The following DNAH11 variants were observed in gnomAD, a reference collection of about 807,000 sequenced individuals.
DNAH11 encodes axonemal beta dynein heavy chain 11.
DNAH11 carries 442 observed loss-of-function variants against 526.0 expected under a neutral mutation model. That is an observed-to-expected ratio of 0.84 (90% CI 0.78 to 0.91). DNAH11 has a LOEUF of 0.91. DNAH11 is among the 40% of genes least tolerant of loss of function. The pLI, the probability that DNAH11 is intolerant of heterozygous loss-of-function variation, is 0.00. For synonymous variants in DNAH11, 2,461 were observed against 1,935.9 expected (o/e 1.27, Z -7.12); for missense variants, 6,989 against 5,448.7 (o/e 1.28, Z -8.90).
intron 55 of DNAH11, among the ~76,000 whole-genome samples, chr7:21,771,587 C>T (rs1787436383): frequency 6.6e-6 from 1 of 152,192 alleles, no homozygotes; most frequent in Non-Finnish European, 1.5e-5. Context: ...GAGACAGCAT[C>T]GTTTTCCAGA....
At chr7:21,651,162 C>T (rs1327731048) in intron 28 of DNAH11, among the ~76,000 whole-genome samples, 1 of 151,928 alleles carries the variant, frequency 6.6e-6, no homozygotes, top group Non-Finnish European at 1.5e-5. Context: ...TTAATGAAAA[C>T]ATATGAATGA....
At chr7:21,764,001 C>G (rs74298651) in intron 54 of DNAH11, among the ~76,000 whole-genome samples, 15,035 of 151,762 alleles carry the variant, frequency 0.099, 983 homozygotes, top group East Asian at 0.26. Context: ...CTCCTAGAAA[C>G]AGAAAGTAGA....
At chr7:21,788,610 C>T (rs1350601381) in intron 60 of DNAH11, among the ~76,000 whole-genome samples, 2 of 152,122 alleles carry the variant, frequency 1.3e-5, no homozygotes, top group South Asian at 4.1e-4. Context: ...CACCTAAATT[C>T]TCAGATGGTC....
chr7:21,661,171 T>A (rs1349108811), intron 30 of DNAH11, among the ~76,000 whole-genome samples: 1 of 152,136 alleles, frequency 6.6e-6, no homozygotes, highest in African/African-American at 2.4e-5. Context: ...CATTTAAACC[T>A]TATTTTTTTA....
At chr7:21,762,258 G>C (rs1412451492) in intron 54 of DNAH11, among the ~76,000 whole-genome samples, 1 of 152,112 alleles carries the variant, frequency 6.6e-6, no homozygotes, top group Non-Finnish European at 1.5e-5. Context: ...CTCAGGGAAA[G>C]CATTTTTGCC....
intron 2 of DNAH11, among the ~76,000 whole-genome samples, chr7:21,553,363 C>T (rs1224585865): frequency 2.0e-5 from 3 of 152,098 alleles, no homozygotes; most frequent in African/African-American, 7.2e-5. Context: ...TTAACATTTT[C>T]TTGAATATCA....
intron 2 of DNAH11, among the ~76,000 whole-genome samples, chr7:21,556,170 T>G (rs1055757178): frequency 2.6e-5 from 4 of 152,204 alleles, no homozygotes; most frequent in Non-Finnish European, 5.9e-5. Flanking sequence ...TGCTTAAGTT[T>G]CGATTTTCCA....
intron 65 of DNAH11, among the ~76,000 whole-genome samples, chr7:21,836,512 TA>T (rs760472125): frequency 9.2e-5 from 14 of 152,152 alleles, no homozygotes; most frequent in Admixed American, 3.3e-4. Flanking sequence ...ATCTCTTCAA[TA>T]AATGGTGCTG....
At chr7:21,599,512 T>C (rs778284708) in intron 14 of DNAH11, among the ~76,000 whole-genome samples, 17 of 152,252 alleles carry the variant, frequency 1.1e-4, no homozygotes, top group Non-Finnish European at 2.2e-4. Flanking sequence ...CACTGGGAAC[T>C]AGTGTATTTC....
intron 7 of DNAH11, chr7:21,570,847 C>T (rs1201498092): frequency 6.7e-6 from 1 of 149,942 alleles, no homozygotes; most frequent in Admixed American, 6.6e-5. Context: ...ACAACCTACA[C>T]ATTCTTACAT....
intron 39 of DNAH11, 121 bp downstream of exon 39, chr7:21,705,658 G>A (rs760665903): frequency 1.1e-6 from 1 of 928,328 alleles, no homozygotes; most frequent in South Asian, 1.6e-5. Context: ...ATAATTTTGG[G>A]TCAGAATCTG....
intron 8 of DNAH11, among the ~76,000 whole-genome samples, chr7:21,578,340 T>C (rs768081313): frequency 6.6e-6 from 1 of 152,210 alleles, no homozygotes; most frequent in Non-Finnish European, 1.5e-5. Context: ...ACCAAGGCAG[T>C]CATTACATCT....
intron 63 of DNAH11, among the ~76,000 whole-genome samples, chr7:21,812,761 C>T (rs1391174193): frequency 6.6e-6 from 1 of 152,134 alleles, no homozygotes; most frequent in Non-Finnish European, 1.5e-5. Flanking sequence ...GGCTCTTGCA[C>T]CCCAGCCTCC....
chr7:21,866,456 C>G lies in DNAH11; in HGVS notation c.11497-14C>G. The G allele has an allele frequency of 1.9e-6, 3 of 1,601,248 alleles. No individual in the cohort carries two copies. The highest frequency in any genetic ancestry group is 2.6e-6 in the Non-Finnish European group (3 of 1,174,740). ...GTTCACACCATTCCTACTTGTTTCC[C>G]TATCATATTACAGGCAATTGCCGTC... On this transcript the variant is annotated splice_polypyrimidine_tract_variant and intron_variant, in intron 70 of 81. Coordinates refer to ENST00000409508, the MANE Select transcript of DNAH11 (RefSeq NM_001277115.2).
chr7:21,863,073 A>T, intron 69 of DNAH11, among the ~76,000 whole-genome samples: 1 of 148,334 alleles, frequency 6.7e-6, no homozygotes, highest in African/African-American at 2.5e-5. Context: ...CAAAAAAAAA[A>T]AAAAAAGAAA....
At chr7:21,648,623 C>T (rs1787476175) in intron 28 of DNAH11, among the ~76,000 whole-genome samples, 1 of 152,138 alleles carries the variant, frequency 6.6e-6, no homozygotes, top group Admixed American at 6.5e-5. Context: ...TGAGGCAACC[C>T]AAAACCAACA....
chr7:21,891,865 T>G (rs888981065), intron 76 of DNAH11, among the ~76,000 whole-genome samples: 1 of 152,180 alleles, frequency 6.6e-6, no homozygotes. Context: ...ACACACATTT[T>G]TCATTAAATG....
At chr7:21,805,316 T>C (rs1048644778) in intron 62 of DNAH11, among the ~76,000 whole-genome samples, 28 of 152,152 alleles carry the variant, frequency 1.8e-4, no homozygotes, top group African/African-American at 6.8e-4. Context: ...CCAACTGAAA[T>C]ATGAGCTTCG....
At chr7:21,575,865 A>G (rs1284093500) in intron 8 of DNAH11, among the ~76,000 whole-genome samples, 1 of 152,212 alleles carries the variant, frequency 6.6e-6, no homozygotes, top group Non-Finnish European at 1.5e-5. Flanking sequence ...ATTCTGTGTC[A>G]CTACAATAGC....
Sources: gnomAD v4.1 joint callset for allele counts (sites outside exome capture counted in the v4.1 genomes callset) on GRCh38, gnomAD v4.1.1 for gene constraint, MANE v1.5 for transcripts, NCBI Gene and HGNC (gene_info 2026-07-23, HGNC 2026-07-21) for gene names.